The following SGCD variants were observed in gnomAD, a reference collection of about 807,000 sequenced individuals.
The protein encoded by SGCD is delta-sarcoglycan.
Under a neutral mutation model 36.6 loss-of-function variants are expected in SGCD, and 18 were observed. The ratio of observed to expected loss-of-function variants is 0.49; its 90% confidence interval spans 0.34 to 0.73. SGCD has a LOEUF of 0.73. Ranked by LOEUF, SGCD falls within the 30% of genes least tolerant of loss-of-function variation. The probability of loss-of-function intolerance (pLI) is 0.01; values close to 1 mark genes in which losing one functional copy is unlikely to be tolerated. For synonymous variants in SGCD, 133 were observed against 130.6 expected, an observed-to-expected ratio of 1.02 and a Z score of -0.12; for missense variants, 387 against 346.7, an observed-to-expected ratio of 1.12 and a Z score of -0.92.
At chr5:156,421,505 C>G (rs1339842329) in intron 3 of SGCD, among the ~76,000 whole-genome samples, 1 of 152,060 alleles carries the variant, frequency 6.6e-6, no homozygotes, top group Admixed American at 6.6e-5. Flanking sequence ...CTGTGACCAA[C>G]AAAACTCAGC....
At position 156,154,604 on chromosome 5, in the gene SGCD, A is replaced by G. The variant is rs1025018366; in HGVS notation, c.-44+30585A>G. Among the ~76,000 whole-genome samples, 6 of 151,610 alleles carry G rather than the reference A, an allele frequency of 4.0e-5. 1 individual carries two copies. Among genetic ancestry groups the G allele is most frequent in the Non-Finnish European group, 7.3e-5 (5 of 68,032 alleles). ...ACATTTACTATGTGCTAGGTACTGCACTTAGTGCTTTATTTGTGACTTTTC... is the reference window on the plus strand; with the variant it reads ...ACATTTACTATGTGCTAGGTACTGCGCTTAGTGCTTTATTTGTGACTTTTC... On this transcript the variant is annotated intron_variant, in intron 3 of 9. Coordinates refer to the SGCD transcript ENST00000517913.
At chr5:156,397,545 C>T (rs370328009) in intron 3 of SGCD, among the ~76,000 whole-genome samples, 18 of 152,224 alleles carry the variant, frequency 1.2e-4, no homozygotes, top group African/African-American at 1.9e-4. Context: ...TCAAATTGTC[C>T]AGAAGAGCTT....
intron 7 of SGCD, among the ~76,000 whole-genome samples, chr5:156,706,260 A>G (rs968026445): frequency 5.9e-5 from 9 of 152,158 alleles, no homozygotes; most frequent in Non-Finnish European, 1.0e-4. Flanking sequence ...CTGTCTTGTC[A>G]TCTCACTCTG....
rs1345047431 is a variant in SGCD, at chr5:156,647,225, A to G, written c.503-239A>G. On this transcript the variant is annotated intron_variant, in intron 6 of 8. Coordinates refer to ENST00000337851, the MANE Select transcript of SGCD (RefSeq NM_000337.6). Reference sequence around the variant, plus strand: ...CTGAAGCCGAGATGGAATTTGCCTCATGGCCTCACTCTGATCTCAGCAAGA... The same window carrying G: ...CTGAAGCCGAGATGGAATTTGCCTCGTGGCCTCACTCTGATCTCAGCAAGA... Among the ~76,000 whole-genome samples, 4 of 152,270 alleles carry G rather than the reference A, an allele frequency of 2.6e-5. No individual in the cohort carries two copies. The South Asian group carries it at 6.2e-4, about 24-fold the overall frequency.
chr5:156,424,845 A>G (rs1319919300), intron 3 of SGCD, among the ~76,000 whole-genome samples: 1 of 152,060 alleles, frequency 6.6e-6, no homozygotes, highest in East Asian at 1.9e-4. Flanking sequence ...CAGTGGAGTC[A>G]CACTGAATGC....
Position 156,051,742 on chromosome 5 carries a change from T to A in SGCD, c.-281-66136T>A, listed in dbSNP as rs1337241586. The stretch of plus-strand genomic sequence containing the variant: ...CACTCGTGGTAGGAAGGAACAAGCA[T>A]AGTGCAATAGGAAGGCTTAGGAAGG... On this transcript the variant is annotated intron_variant, in intron 1 of 9. Transcript: ENST00000517913. Among the ~76,000 whole-genome samples the A allele has an allele frequency of 2.7e-5, 4 of 145,456 alleles. 1 individual carries two copies. Among genetic ancestry groups the A allele is most frequent in the Non-Finnish European group, 6.2e-5 (4 of 64,606 alleles).
At chr5:156,355,822 G>C (rs531957564) in intron 3 of SGCD, among the ~76,000 whole-genome samples, 120 of 152,228 alleles carry the variant, frequency 7.9e-4, no homozygotes, top group African/African-American at 2.8e-3. Context: ...TTTTTAATAG[G>C]GATGGGGTTT....
In SGCD at chr5:156,686,444, C is replaced by T. The variant is rs1266320205; in HGVS notation, c.575+38908C>T. On this transcript the variant is annotated intron_variant, in intron 7 of 8. Transcript: ENST00000337851. Reference sequence around the variant, plus strand: ...CTTTGCCCTCCAGCCCTGGTAGAAGCCAAGGTTGCTTTGTGATTAGCACAA... The same window carrying T: ...CTTTGCCCTCCAGCCCTGGTAGAAGTCAAGGTTGCTTTGTGATTAGCACAA... Among the ~76,000 whole-genome samples, 4 of 152,166 alleles carry T rather than the reference C, an allele frequency of 2.6e-5. No individual in the cohort carries two copies. The East Asian group carries it at 7.7e-4, about 29-fold the overall frequency.
the SGCD span, among the ~76,000 whole-genome samples, chr5:155,839,937 A>AC: frequency 2.4e-4 from 26 of 108,288 alleles, 1 homozygote; most frequent in Non-Finnish European, 1.7e-5. Context: ...CTTTGAAAAC[A>AC]CTTTTTTTTT....
intron 1 of SGCD, among the ~76,000 whole-genome samples, chr5:156,048,271 C>T (rs571251979): frequency 3.5e-4 from 53 of 152,136 alleles, no homozygotes; most frequent in South Asian, 1.9e-3. Context: ...TGAATAGTGC[C>T]GCAATAAACA....
At position 156,764,658 on chromosome 5, in the gene SGCD, T is replaced by C. The variant is rs1264633737; in HGVS notation, c.*5268T>C. ...ATGCTGTTTTCTTTGGTTCTCCCCC[T>C]ACCTTCCTTTTGTAGATATTGACAG... On this transcript the variant is annotated 3_prime_UTR_variant, in exon 9 of 9. Transcript: ENST00000337851. 2 of 152,326 alleles carry C rather than the reference T, an allele frequency of 1.3e-5. No individual in the cohort carries two copies. Among genetic ancestry groups the C allele is most frequent in the Non-Finnish European group, 2.9e-5 (2 of 68,036 alleles). The allele number at this position is 152,326 out of a possible 1,614,324, so 9.4% of individuals were successfully genotyped here.
intron 3 of SGCD, among the ~76,000 whole-genome samples, chr5:156,307,830 C>T (rs747494560): frequency 6.6e-6 from 1 of 151,568 alleles, no homozygotes; most frequent in Non-Finnish European, 1.5e-5. Context: ...GTTGATGTAA[C>T]AAAATTATAT....
intron 1 of SGCD, among the ~76,000 whole-genome samples, chr5:155,989,366 G>A (rs1335786454): frequency 6.6e-6 from 1 of 152,080 alleles, no homozygotes; most frequent in Non-Finnish European, 1.5e-5. Context: ...CTTACGTTTT[G>A]TTCAACCACT....
chr5:156,461,044 C>T (rs987373133), intron 3 of SGCD, among the ~76,000 whole-genome samples: 8 of 152,216 alleles, frequency 5.3e-5, no homozygotes, highest in African/African-American at 1.9e-4. Flanking sequence ...GGTTCCAGGG[C>T]ATACTTTAGA....
At chr5:155,940,080 C>A (rs1340936341) in intron 1 of SGCD, among the ~76,000 whole-genome samples, 2 of 152,226 alleles carry the variant, frequency 1.3e-5, no homozygotes, top group Non-Finnish European at 2.9e-5. Flanking sequence ...TCAGGTGATC[C>A]ACCTGCCTCA....
intron 3 of SGCD, among the ~76,000 whole-genome samples, chr5:156,315,231 A>G (rs1212568029): frequency 6.6e-6 from 1 of 150,650 alleles, no homozygotes; most frequent in African/African-American, 2.4e-5. Flanking sequence ...ACCCCCTTGT[A>G]ACCACCATTC....
At chr5:155,731,164 G>A in the SGCD span, among the ~76,000 whole-genome samples, 3 of 151,962 alleles carry the variant, frequency 2.0e-5, no homozygotes, top group Non-Finnish European at 4.4e-5. Flanking sequence ...TGGAGAGAGA[G>A]GCAGAGACAC....
chr5:156,251,544 C>G (rs1765577864), intron 3 of SGCD, among the ~76,000 whole-genome samples: 1 of 146,742 alleles, frequency 6.8e-6, no homozygotes, highest in Non-Finnish European at 1.5e-5. Context: ...GAGATGGATT[C>G]TCGCTGTGTT....
intron 7 of SGCD, among the ~76,000 whole-genome samples, chr5:156,702,050 T>C (rs32084): frequency 0.83 from 126,240 of 152,150 alleles, 52,597 homozygotes; most frequent in Admixed American, 0.89. Flanking sequence ...TTAAATGATG[T>C]TGCTCCCCTG....
Sources: gnomAD v4.1 joint callset for allele counts (sites outside exome capture counted in the v4.1 genomes callset) on GRCh38, gnomAD v4.1.1 for gene constraint, MANE v1.5 for transcripts, NCBI Gene and HGNC (gene_info 2026-07-23, HGNC 2026-07-21) for gene names.